Variants in CHCHD6 observed in about 807,000 individuals in gnomAD.
The protein encoded by CHCHD6 is MICOS complex subunit MIC25.
In CHCHD6, 28 loss-of-function variants were observed where a neutral mutation model predicts 32.3. The observed-to-expected ratio is 0.87, with a 90% CI of 0.64 to 1.19. The LOEUF is 1.19. Among genes scored for constraint, CHCHD6 ranks in the 50% most tolerant of loss-of-function variants. The pLI is 0.00. For missense variants in CHCHD6, 333 were observed against 307.0 expected, an observed-to-expected ratio of 1.08 and a Z score of -0.63; for synonymous variants, 122 against 117.5, an observed-to-expected ratio of 1.04 and a Z score of -0.25.
chr3:126,854,615 G>T (rs1941593330), intron 5 of CHCHD6, among the ~76,000 whole-genome samples: 1 of 152,050 alleles, frequency 6.6e-6, no homozygotes. Flanking sequence ...TTCATTTGTT[G>T]AATACTCGCA....
chr3:126,930,028 C>T (rs1467651528), intron 6 of CHCHD6, among the ~76,000 whole-genome samples: 2 of 152,192 alleles, frequency 1.3e-5, no homozygotes, highest in African/African-American at 4.8e-5. Flanking sequence ...GATATCCAAC[C>T]CATGTTATTT....
At chr3:126,936,683 G>A (rs2078484312) in intron 6 of CHCHD6, among the ~76,000 whole-genome samples, 1 of 152,050 alleles carries the variant, frequency 6.6e-6, no homozygotes, top group Admixed American at 6.6e-5. Context: ...AGCCTCCCAA[G>A]TAGCTGGGTT....
At chr3:126,747,274 G>T (rs1477925429) in intron 4 of CHCHD6, among the ~76,000 whole-genome samples, 1 of 152,162 alleles carries the variant, frequency 6.6e-6, no homozygotes, top group Non-Finnish European at 1.5e-5. Context: ...GTAATTGCGT[G>T]TGACTTTGCA....
chr3:126,821,865 A>G (rs960579599), intron 4 of CHCHD6, among the ~76,000 whole-genome samples: 1 of 152,198 alleles, frequency 6.6e-6, no homozygotes, highest in African/African-American at 2.4e-5. Context: ...GACCATTTAT[A>G]TATCTTCTTT....
intron 4 of CHCHD6, among the ~76,000 whole-genome samples, chr3:126,797,627 A>G (rs1175483975): frequency 6.6e-6 from 1 of 152,210 alleles, no homozygotes; most frequent in African/African-American, 2.4e-5. Flanking sequence ...CATGCTTTAA[A>G]AAGTTACTAC....
chr3:126,796,422 C>T (rs1268424199), intron 4 of CHCHD6, among the ~76,000 whole-genome samples: 1 of 152,156 alleles, frequency 6.6e-6, no homozygotes, highest in Admixed American at 6.5e-5. Flanking sequence ...CCGGGATTGC[C>T]TGCTCACCTC....
intron 4 of CHCHD6, among the ~76,000 whole-genome samples, chr3:126,801,063 G>A (rs971154130): frequency 6.6e-6 from 1 of 152,222 alleles, no homozygotes; most frequent in Non-Finnish European, 1.5e-5. Context: ...CGATATAAAT[G>A]TGAGACTAGA....
Position 126,894,375 on chromosome 3 carries a change from G to A in CHCHD6, c.496-20305G>A, listed in dbSNP as rs115748939. The stretch of plus-strand genomic sequence containing the variant: ...TGAAGCAGCTTCTCTGTTCTTTGGG[G>A]CCACTTGAGGCTCATGAAGAACTCA... On this transcript the variant is annotated intron_variant, in intron 5 of 7. Transcript: ENST00000290913. 8.3e-3 allele frequency among the ~76,000 whole-genome samples: 1,267 copies of A among 152,318 alleles called. 16 individuals are homozygous for A. Among genetic ancestry groups the A allele is most frequent in the African/African-American group, 0.028 (1,183 of 41,558 alleles).
At chr3:126,807,781 C>T (rs1310289563) in intron 4 of CHCHD6, among the ~76,000 whole-genome samples, 3 of 152,128 alleles carry the variant, frequency 2.0e-5, no homozygotes, top group Non-Finnish European at 2.9e-5. Context: ...GTTATTATCT[C>T]CTGCTGTATA....
intron 4 of CHCHD6, among the ~76,000 whole-genome samples, chr3:126,745,995 T>A (rs1403255343): frequency 6.6e-6 from 1 of 152,214 alleles, no homozygotes; most frequent in African/African-American, 2.4e-5. Flanking sequence ...TCCTCCTTCC[T>A]TATCAAATCT....
At chr3:126,942,542 A>T (rs1166911650) in intron 6 of CHCHD6, among the ~76,000 whole-genome samples, 1 of 152,176 alleles carries the variant, frequency 6.6e-6, no homozygotes, top group African/African-American at 2.4e-5. Context: ...GCTATAATCT[A>T]TAACTTATTT....
At chr3:126,946,713 G>A (rs1364757743) in intron 6 of CHCHD6, among the ~76,000 whole-genome samples, 1 of 152,158 alleles carries the variant, frequency 6.6e-6, no homozygotes, top group Non-Finnish European at 1.5e-5. Context: ...TCTCATCAGC[G>A]CCTCAGCCCT....
intron 4 of CHCHD6, among the ~76,000 whole-genome samples, chr3:126,816,364 A>G (rs1164852415): frequency 6.6e-6 from 1 of 152,162 alleles, no homozygotes; most frequent in African/African-American, 2.4e-5. Context: ...GGTGGTTGTA[A>G]GGGCTTTAGA....
chr3:126,898,575 G>A (rs2077875317), intron 5 of CHCHD6, among the ~76,000 whole-genome samples: 1 of 152,214 alleles, frequency 6.6e-6, no homozygotes, highest in South Asian at 2.1e-4. Flanking sequence ...TCTCGCTCTT[G>A]TTCCCCAGGC....
intron 4 of CHCHD6, among the ~76,000 whole-genome samples, chr3:126,742,118 A>G (rs1403323801): frequency 6.6e-6 from 1 of 152,178 alleles, no homozygotes; most frequent in Non-Finnish European, 1.5e-5. Context: ...GGATAGTAGT[A>G]AGACCTCTGA....
intron 4 of CHCHD6, among the ~76,000 whole-genome samples, chr3:126,796,565 G>A (rs957197463): frequency 6.6e-5 from 10 of 151,898 alleles, no homozygotes; most frequent in African/African-American, 2.2e-4. Flanking sequence ...TGTCATCCTC[G>A]TCCACACCAT....
At chr3:126,766,497 G>A in intron 4 of CHCHD6, 1 of 753,260 alleles carries the variant, frequency 1.3e-6, no homozygotes. Flanking sequence ...TCTCACTTTT[G>A]TCTCTTGGTG....
At chr3:126,765,500 G>A (rs1045088295) in intron 4 of CHCHD6, among the ~76,000 whole-genome samples, 2 of 152,194 alleles carry the variant, frequency 1.3e-5, no homozygotes, top group Non-Finnish European at 2.9e-5. Context: ...TGACTAAAGA[G>A]AGCTGAGTCA....
chr3:126,781,791 C>T (rs1173929471), intron 4 of CHCHD6, among the ~76,000 whole-genome samples: 2 of 152,240 alleles, frequency 1.3e-5, no homozygotes, highest in Non-Finnish European at 2.9e-5. Context: ...TTGTCTCTCT[C>T]AACTTCATTT....
Sources: gnomAD v4.1 joint callset for allele counts (sites outside exome capture counted in the v4.1 genomes callset) on GRCh38, gnomAD v4.1.1 for gene constraint, MANE v1.5 for transcripts, NCBI Gene and HGNC (gene_info 2026-07-23, HGNC 2026-07-21) for gene names.